EXOC3L4: variants seen among roughly 807,000 people sequenced by gnomAD.
The protein encoded by EXOC3L4 is exocyst complex component 3 like 4, also known as exocyst complex component 3-like protein 4.
Under a neutral mutation model 69.7 loss-of-function variants are expected in EXOC3L4, and 62 were observed. The observed-to-expected ratio is 0.89, with a 90% CI of 0.72 to 1.10. EXOC3L4 has a LOEUF of 1.10. Ranked by LOEUF, EXOC3L4 falls within the 50% of genes least tolerant of loss-of-function variation. EXOC3L4 has a pLI of 0.00. For missense variants in EXOC3L4, 1,087 were observed against 1,034.8 expected (o/e 1.05, Z -0.69); for synonymous variants, 502 against 464.2 (o/e 1.08, Z -1.05).
Position 103,110,217 on chromosome 14 carries a change from C to A in EXOC3L4, c.2163C>A (p.Cys721Ter). 1 of 1,504,546 alleles carries A rather than the reference C, an allele frequency of 6.6e-7. No homozygotes were observed. The allele number at this position is 1,504,546 out of a possible 1,614,324, so 93.2% of individuals were successfully genotyped here. ...VPSAMAVLIT[C>*]V ...GTGCCATGGCTGTGCTGATCACCTG[C>A]GTCTAGTTCTCTCTGGCTCGAGGGG... Residue 721 changes from cysteine to a stop codon, truncating the protein, a stop_gained, in exon 12 of 12, where the codon TGC (cysteine) becomes TGA (stop). Transcript: ENST00000688303. LOFTEE classifies it high-confidence loss of function.
chr14:103,102,135 G>T lies in EXOC3L4; in HGVS notation c.412G>T (p.Asp138Tyr), dbSNP rs756569654. ...KPEAEGKSVA[D>Y]LITERQLLAA... is the part of the protein sequence containing the mutation. ...CTGTGCAGAAGGCAAATCCGTGGCC[G>T]ACCTCATTACTGAACGGCAACTGCT... Residue 138 changes from aspartate to tyrosine, a missense_variant, in exon 3 of 12, where the codon GAC (aspartate) becomes TAC (tyrosine). Asp to Tyr is a radical substitution (Grantham distance 160). Coordinates refer to ENST00000688303, the MANE Select transcript of EXOC3L4 (RefSeq NM_001077594.2). 7 of 1,605,036 alleles carry T rather than the reference G, an allele frequency of 4.4e-6. No homozygotes were observed. Among genetic ancestry groups the T allele is most frequent in the Middle Eastern group, 1.6e-4 (1 of 6,074 alleles).
At chr14:103,099,375 C>T (rs1248984802) in intron 1 of EXOC3L4, among the ~76,000 whole-genome samples, 2 of 152,208 alleles carry the variant, frequency 1.3e-5, no homozygotes, top group Non-Finnish European at 2.9e-5. Context: ...GCAGCTCAGC[C>T]ACCCCCATGT....
intron 7 of EXOC3L4, 119 bp downstream of exon 7, chr14:103,105,191 T>C: frequency 2.1e-6 from 2 of 970,494 alleles, no homozygotes; most frequent in Non-Finnish European, 1.5e-6. Flanking sequence ...GGAGTGTGTG[T>C]GTGTGTTTGT....
At chr14:103,107,015 G>A in intron 8 of EXOC3L4, 116 bp downstream of exon 8, 1 of 909,030 alleles carries the variant, frequency 1.1e-6, no homozygotes, top group Non-Finnish European at 1.6e-6. Flanking sequence ...GCTCATGGGT[G>A]TGTGTGTAGG....
chr14:103,104,750 C>A lies in EXOC3L4; in HGVS notation c.1297C>A (p.His433Asn). ...GCTTCGCTCGCAGCTCGTGGCCGAGCACGTGAAGGCGGCCGGCGCCATCTC... is the reference window on the plus strand; with the variant it reads ...GCTTCGCTCGCAGCTCGTGGCCGAGAACGTGAAGGCGGCCGGCGCCATCTC... ...SMDVHMLVAE[H>N]VKAAGAISAE... Residue 433 changes from histidine (H) to asparagine (N), a missense_variant, in exon 6 of 12, where the codon CAC becomes AAC. By Grantham distance (68) the His-to-Asn change is moderately conservative. Coordinates refer to ENST00000688303, the MANE Select transcript of EXOC3L4 (RefSeq NM_001077594.2). 5 of 1,513,704 alleles carry A rather than the reference C, an allele frequency of 3.3e-6. No individual in the cohort carries two copies. Among genetic ancestry groups the A allele is most frequent in the Non-Finnish European group, 3.5e-6 (4 of 1,130,358 alleles). 93.8% of individuals were successfully genotyped at this position (1,513,704 alleles called of 1,614,324 possible).
Position 103,104,742 on chromosome 14 carries a change from T to C in EXOC3L4, c.1289T>C (p.Val430Ala). 1 of 1,507,640 alleles carries C rather than the reference T, an allele frequency of 6.6e-7. No homozygotes were observed. Among genetic ancestry groups the C allele is most frequent in the Non-Finnish European group, 8.9e-7 (1 of 1,128,166 alleles). 93.4% of individuals were successfully genotyped at this position (1,507,640 alleles called of 1,614,324 possible). A position where few individuals can be genotyped will look rare whatever the true frequency, so the allele number is the denominator to read the frequency against. The change falls in exon 6 of 12, where the codon GTG (valine) becomes GCG (alanine). Residue 430 changes from valine (V) to alanine (A), a missense_variant. Transcript: ENST00000688303. ...AGTGCGGGGCTTCGCTCGCAGCTCGTGGCCGAGCACGTGAAGGCGGCCGGC... is the reference window on the plus strand; with the variant it reads ...AGTGCGGGGCTTCGCTCGCAGCTCGCGGCCGAGCACGTGAAGGCGGCCGGC... ...APLSMDVHMLVAEHVKAAGAI... is the reference protein window; with the variant it reads ...APLSMDVHMLAAEHVKAAGAI...
In EXOC3L4 at chr14:103,100,310, C is replaced by A. The variant is rs770586509; in HGVS notation, c.91C>A (p.Arg31=). 5 of 1,585,772 alleles carry A rather than the reference C, an allele frequency of 3.2e-6. No homozygotes were observed. Among genetic ancestry groups the A allele is most frequent in the Non-Finnish European group, 3.4e-6 (4 of 1,165,222 alleles). ...EPQTPAQGSR[R]TSSRKEPNAH... is the part of the protein sequence containing the mutation. Reference sequence around the variant, plus strand: ...ACAGACTCCAGCTCAGGGCTCCCGGCGAACAAGCAGCAGGAAAGAGCCCAA... The same window carrying A: ...ACAGACTCCAGCTCAGGGCTCCCGGAGAACAAGCAGCAGGAAAGAGCCCAA... The change falls in exon 2 of 12, where the codon CGA becomes AGA. Residue 31 remains arginine, a synonymous_variant. Coordinates refer to ENST00000688303, the MANE Select transcript of EXOC3L4 (RefSeq NM_001077594.2).
rs1008727663 is a variant in EXOC3L4 at position 103,104,520 on chromosome 14, C to CG, written c.1284+137dup. 31 of 1,361,370 alleles carry CG rather than the reference C, an allele frequency of 2.3e-5. No individual in the cohort carries two copies. In the African/African-American group the frequency reaches 4.3e-4, roughly 19 times the overall value. The allele number at this position is 1,361,370 out of a possible 1,614,324, so 84.3% of individuals were successfully genotyped here. A position where few individuals can be genotyped will look rare whatever the true frequency, so the allele number is the denominator to read the frequency against. On this transcript the variant is annotated intron_variant, in intron 5 of 11. Transcript: ENST00000688303. Reference sequence around the variant, plus strand: ...TTAGATGGGAGCCTGAGGCCCCACGCGGGGGGAAATCGGGGACCCCCGGCG... The same window carrying CG: ...TTAGATGGGAGCCTGAGGCCCCACGCGGGGGGGAAATCGGGGACCCCCGGCG...
Position 103,104,454 on chromosome 14 carries a change from T to A in EXOC3L4, c.1284+65T>A, listed in dbSNP as rs566462891. On this transcript the variant is annotated intron_variant, in intron 5 of 11. Transcript: ENST00000688303. ...CAAGCCTCACGCACACGGTGGCGAT[T>A]TCCAGAACGAATTCCTATCCAGTCC... 81 of 1,441,590 alleles carry A rather than the reference T, an allele frequency of 5.6e-5. No homozygotes were observed. In the African/African-American group the frequency reaches 1.1e-3, roughly 19 times the overall value. The allele number at this position is 1,441,590 out of a possible 1,614,324, so 89.3% of individuals were successfully genotyped here. A position where few individuals can be genotyped will look rare whatever the true frequency, so the allele number is the denominator to read the frequency against.
intron 1 of EXOC3L4, chr14:103,098,967 G>A (rs574530989): frequency 6.6e-6 from 1 of 152,356 alleles, no homozygotes; most frequent in South Asian, 2.1e-4. Flanking sequence ...GGAGGGCGAG[G>A]GTGGGTGGGG....
chr14:103,102,832 G>C (rs1480347361), intron 3 of EXOC3L4, 60 bp downstream of exon 3: 1 of 1,312,842 alleles, frequency 7.6e-7, no homozygotes, highest in South Asian at 2.1e-5. Context: ...CGCAGGCCTT[G>C]GGGAGCCGGC....
At position 103,103,758 on chromosome 14, in the gene EXOC3L4, C is replaced by G. The variant is rs535830528; in HGVS notation, c.1050-183C>G. On this transcript the variant is annotated intron_variant, in intron 3 of 11. Coordinates refer to ENST00000688303, the MANE Select transcript of EXOC3L4 (RefSeq NM_001077594.2). ...AGGAACCCAGCTGTCAGAGGCTTCC[C>G]GGGAGGGGGTGTGGCATGGCAGCCT... 873 of 528,152 alleles carry G rather than the reference C, an allele frequency of 1.7e-3. 9 individuals carry two copies. Among genetic ancestry groups the G allele is most frequent in the African/African-American group, 0.016 (798 of 48,932 alleles). 32.7% of individuals were successfully genotyped at this position (528,152 alleles called of 1,614,324 possible). A position where few individuals can be genotyped will look rare whatever the true frequency, so the allele number is the denominator to read the frequency against.
chr14:103,102,314 G>T lies in EXOC3L4; in HGVS notation c.591G>T (p.Val197=). The change falls in exon 3 of 12, where the codon GTG becomes GTT. Residue 197 remains valine, a synonymous_variant. Coordinates refer to ENST00000688303, the MANE Select transcript of EXOC3L4 (RefSeq NM_001077594.2). ...TGGCAGCCGAGATCGGCGCCATCGTGCGCGAGACGCTGGACAGCGACGGTG... is the reference window on the plus strand; with the variant it reads ...TGGCAGCCGAGATCGGCGCCATCGTTCGCGAGACGCTGGACAGCGACGGTG... The part of the protein sequence containing the change: ...DGLAAEIGAI[V]RETLDSDGVD... The T allele has an allele frequency of 1.9e-6, 3 of 1,567,546 alleles. No homozygotes were observed. Among genetic ancestry groups the T allele is most frequent in the Non-Finnish European group, 1.7e-6 (2 of 1,162,846 alleles).
In EXOC3L4 at chr14:103,100,606, C is replaced by G. The variant is rs753656172; in HGVS notation, c.387C>G (p.Pro129=). 8.7e-6 allele frequency: 14 copies of G among 1,601,622 alleles called. No homozygotes were observed. Among genetic ancestry groups the G allele is most frequent in the Non-Finnish European group, 1.2e-5 (14 of 1,171,038 alleles). ...STGAASEELK[P]EAEGKSVADL... ...GGGCAGCGTCTGAGGAACTGAAACCCGAGGCAGGTAAGGGCCTCAGAAACA... is the reference window on the plus strand; with the variant it reads ...GGGCAGCGTCTGAGGAACTGAAACCGGAGGCAGGTAAGGGCCTCAGAAACA... Residue 129 remains proline, a synonymous_variant, in exon 2 of 12, where the codon CCC becomes CCG. Coordinates refer to ENST00000688303, the MANE Select transcript of EXOC3L4 (RefSeq NM_001077594.2).
intron 5 of EXOC3L4, 167 bp downstream of exon 5, chr14:103,104,556 C>T (rs2139495534): frequency 1.5e-6 from 2 of 1,294,962 alleles, no homozygotes; most frequent in East Asian, 2.9e-5. Context: ...CGCCGACGGG[C>T]AGGGAGGCTG....
chr14:103,107,267 C>T (rs1481998126), intron 8 of EXOC3L4, among the ~76,000 whole-genome samples, 157 bp from the exon 9 acceptor site: 1 of 152,200 alleles, frequency 6.6e-6, no homozygotes, highest in African/African-American at 2.4e-5. Context: ...GAGAGGCATT[C>T]TGGGAAAGGG....
At chr14:103,094,484 CCCTGCTG>C (rs1889809815), upstream of EXOC3L4, among the ~76,000 whole-genome samples, 1 of 152,188 alleles carries the variant, frequency 6.6e-6, no homozygotes, top group Non-Finnish European at 1.5e-5. Context: ...AGCGTCCACC[CCCTGCTG>C]CCTCGAGACC....
Position 103,105,002 on chromosome 14 carries a change from G to A in EXOC3L4, c.1396G>A (p.Ala466Thr). The change falls in exon 7 of 12, where the codon GCT becomes ACT. Residue 466 changes from alanine (A) to threonine (T), a missense_variant. Physicochemically the swap from Ala to Thr is moderately conservative, Grantham distance 58. Transcript: ENST00000688303. ...TGTATCCCGCCCCAGGTTTGAAAAG[G>A]CTTTTCTGGCGTCGGAGGCGGTGAG... is the stretch of plus-strand genomic sequence containing the variant. The part of the protein sequence containing the change: ...LGLFVPRFEK[A>T]FLASEAVSEP... The A allele has an allele frequency of 6.2e-7, 1 of 1,612,740 alleles. No individual in the cohort carries two copies. The highest frequency in any genetic ancestry group is 2.2e-5 in the East Asian group (1 of 44,842).
At chr14:103,105,243 G>T (rs1185360874) in intron 7 of EXOC3L4, among the ~76,000 whole-genome samples, 171 bp downstream of exon 7, 1 of 151,944 alleles carries the variant, frequency 6.6e-6, no homozygotes, top group African/African-American at 2.4e-5. Context: ...GTGCGTGTGT[G>T]TGTAGCAGAG....
Sources: allele counts gnomAD v4.1 joint callset (sites outside exome capture counted in the v4.1 genomes callset), GRCh38; gene constraint gnomAD v4.1.1; transcripts MANE v1.5; gene names NCBI Gene and HGNC (gene_info 2026-07-23, HGNC 2026-07-21).